ZNHIT6: variants seen among roughly 807,000 people sequenced by gnomAD.
ZNHIT6 encodes box C/D snoRNA protein 1.
In ZNHIT6, 45 loss-of-function variants were observed where a neutral mutation model predicts 57.2. That is an observed-to-expected ratio of 0.79 (90% CI 0.62 to 1.01). The LOEUF is 1.01. Among genes scored for constraint, ZNHIT6 ranks in the 50% least tolerant of loss-of-function variants. The pLI is 0.00. For synonymous variants in ZNHIT6, 188 were observed against 190.0 expected, an observed-to-expected ratio of 0.99 and a Z score of 0.09; for missense variants, 528 against 567.3, an observed-to-expected ratio of 0.93 and a Z score of 0.70.
chr1:85,688,692 A>T (rs1257332986), intron 5 of ZNHIT6, among the ~76,000 whole-genome samples: 1 of 152,180 alleles, frequency 6.6e-6, no homozygotes, highest in Non-Finnish European at 1.5e-5. Context: ...TGGGCAGATT[A>T]CGTAGGCAGC....
In ZNHIT6 at chr1:85,653,828, T is replaced by C; in HGVS notation, c.*230A>G. On this transcript the variant is annotated 3_prime_UTR_variant, in exon 10 of 10. Coordinates refer to ENST00000370574, the MANE Select transcript of ZNHIT6 (RefSeq NM_017953.4). ...TAAAAAGCCAGGGCCTAATAAGTAC[T>C]ATGCTGATCAAGTGCAAAGGAGAGT... 2.0e-6 allele frequency: 1 copy of C among 498,956 alleles called. No homozygotes were observed. The highest frequency in any genetic ancestry group is 3.4e-5 in the South Asian group (1 of 29,722). 30.9% of individuals were successfully genotyped at this position (498,956 alleles called of 1,614,324 possible).
At chr1:85,656,245 G>A (rs1466086022) in intron 9 of ZNHIT6, among the ~76,000 whole-genome samples, 1 of 152,136 alleles carries the variant, frequency 6.6e-6, no homozygotes, top group Non-Finnish European at 1.5e-5. Context: ...AACTGGTATG[G>A]TTTTAAAATC....
At chr1:85,694,062 A>G (rs1251884847) in intron 5 of ZNHIT6, among the ~76,000 whole-genome samples, 3 of 152,250 alleles carry the variant, frequency 2.0e-5, no homozygotes, top group African/African-American at 7.2e-5. Flanking sequence ...GGGGGAAAAA[A>G]GGACAGGCTG....
At chr1:85,687,666 G>T (rs1255100250) in intron 5 of ZNHIT6, among the ~76,000 whole-genome samples, 1 of 152,140 alleles carries the variant, frequency 6.6e-6, no homozygotes, top group Non-Finnish European at 1.5e-5. Flanking sequence ...ATTAAGAGAA[G>T]TATTTCCAAC....
chr1:85,696,012 G>A (rs1322294953), intron 5 of ZNHIT6, among the ~76,000 whole-genome samples: 1 of 152,126 alleles, frequency 6.6e-6, no homozygotes, highest in African/African-American at 2.4e-5. Context: ...CTCCAGCCTG[G>A]GTGACAGAGC....
intron 8 of ZNHIT6, among the ~76,000 whole-genome samples, chr1:85,666,464 T>C (rs1661373238): frequency 6.7e-6 from 1 of 150,178 alleles, no homozygotes; most frequent in Non-Finnish European, 1.5e-5. Flanking sequence ...AGTAAGATTA[T>C]CACTATAGAA....
intron 8 of ZNHIT6, among the ~76,000 whole-genome samples, chr1:85,664,064 C>CT (rs1306288840): frequency 6.6e-6 from 1 of 152,124 alleles, no homozygotes; most frequent in East Asian, 1.9e-4. Flanking sequence ...TTGCAGGGGT[C>CT]TCTGTATTTC....
At chr1:85,705,898 C>T (rs929987895) in intron 4 of ZNHIT6, among the ~76,000 whole-genome samples, 180 bp downstream of exon 4, 4 of 152,112 alleles carry the variant, frequency 2.6e-5, no homozygotes, top group African/African-American at 4.8e-5. Flanking sequence ...TCCTATATCT[C>T]CCACTAAATA....
intron 4 of ZNHIT6, 46 bp from the exon 5 acceptor site, chr1:85,702,306 A>G (rs144014734): frequency 8.3e-7 from 1 of 1,203,050 alleles, no homozygotes; most frequent in Non-Finnish European, 1.2e-6. Context: ...AAATTCCTTA[A>G]ATTTAAAAAG....
At chr1:85,663,908 C>T (rs148576348) in intron 8 of ZNHIT6, among the ~76,000 whole-genome samples, 1 of 145,438 alleles carries the variant, frequency 6.9e-6, no homozygotes, top group Admixed American at 7.0e-5. Context: ...TGCTGTTAGC[C>T]CGGTGTAGGT....
At chr1:85,706,551 G>T in intron 1 of ZNHIT6, 44 bp from the exon 2 acceptor site, 1 of 1,440,960 alleles carries the variant, frequency 6.9e-7, no homozygotes, top group East Asian at 2.5e-5. Context: ...AATATTAATT[G>T]TATTTATTTA....
rs1660879102 is a variant in ZNHIT6 at position 85,650,669 on chromosome 1, C to T, written c.*3389G>A. On this transcript the variant is annotated 3_prime_UTR_variant, in exon 10 of 10. Transcript: ENST00000370574. The stretch of plus-strand genomic sequence containing the variant: ...GGGCAGCTGTATCTGGTGAGGGTCT[C>T]ATGTTGCTTCCACTCTTGGTACAAA... The T allele has an allele frequency of 6.6e-6, 1 of 152,132 alleles. No homozygotes were observed. The highest frequency in any genetic ancestry group is 1.5e-5 in the Non-Finnish European group (1 of 68,038). 9.4% of individuals were successfully genotyped at this position (152,132 alleles called of 1,614,324 possible).
intron 8 of ZNHIT6, among the ~76,000 whole-genome samples, chr1:85,668,429 G>A (rs1432963370): frequency 2.0e-5 from 3 of 152,132 alleles, no homozygotes; most frequent in Non-Finnish European, 4.4e-5. Context: ...TAGAGAGCAA[G>A]CTCTTATTCT....
rs1662686298 is a variant in ZNHIT6 at position 85,706,370 on chromosome 1, G to A, written c.723-15C>T. ...CACAGGGCAAACTGAAAAGACAAAG[G>A]GGAAGTACTTTTATATTTTAGGGTA... is the stretch of plus-strand genomic sequence containing the variant. On this transcript the variant is annotated splice_polypyrimidine_tract_variant and intron_variant, in intron 2 of 9. Coordinates refer to ENST00000370574, the MANE Select transcript of ZNHIT6 (RefSeq NM_017953.4). 6.2e-7 allele frequency: 1 copy of A among 1,613,560 alleles called. No homozygotes were observed. Among genetic ancestry groups the A allele is most frequent in the African/African-American group, 1.3e-5 (1 of 74,872 alleles).
chr1:85,680,995 TCCAA>T, intron 5 of ZNHIT6, 91 bp from the exon 6 acceptor site: 1 of 840,062 alleles, frequency 1.2e-6, no homozygotes, highest in Non-Finnish European at 1.9e-6. Flanking sequence ...TTAAGATAAT[TCCAA>T]AATTATTCTT....
intron 4 of ZNHIT6, among the ~76,000 whole-genome samples, chr1:85,703,130 A>G (rs772502279): frequency 6.6e-6 from 1 of 152,182 alleles, no homozygotes; most frequent in African/African-American, 2.4e-5. Flanking sequence ...AGTGATAATT[A>G]TAATAATTCT....
At chr1:85,690,302 A>C (rs538710456) in intron 5 of ZNHIT6, among the ~76,000 whole-genome samples, 5 of 151,808 alleles carry the variant, frequency 3.3e-5, no homozygotes, top group Admixed American at 3.3e-4. Context: ...CGCTCACCAA[A>C]CCCCCACTGG....
rs1660912442 is a variant in ZNHIT6, at chr1:85,651,593, T to C, written c.*2465A>G. Reference sequence around the variant, plus strand: ...TTTATTTACTATAATTTATGACTATTAATCCTATATGTATAATTAGCAATT... The same window carrying C: ...TTTATTTACTATAATTTATGACTATCAATCCTATATGTATAATTAGCAATT... On this transcript the variant is annotated 3_prime_UTR_variant, in exon 10 of 10. Coordinates refer to ENST00000370574, the MANE Select transcript of ZNHIT6 (RefSeq NM_017953.4). The C allele has an allele frequency of 6.6e-6, 1 of 152,206 alleles. No homozygotes were observed. Among genetic ancestry groups the C allele is most frequent in the African/African-American group, 2.4e-5 (1 of 41,452 alleles). The allele number at this position is 152,206 out of a possible 1,614,324, so 9.4% of individuals were successfully genotyped here.
intron 8 of ZNHIT6, among the ~76,000 whole-genome samples, chr1:85,676,284 C>T (rs932391822): frequency 2.0e-5 from 3 of 147,856 alleles, no homozygotes; most frequent in Admixed American, 6.9e-5. Flanking sequence ...TGCGGTGAAC[C>T]GAGATCACGC....
Sources: allele counts gnomAD v4.1 joint callset (sites outside exome capture counted in the v4.1 genomes callset), GRCh38; gene constraint gnomAD v4.1.1; transcripts MANE v1.5; gene names NCBI Gene and HGNC (gene_info 2026-07-23, HGNC 2026-07-21).